Variants in SDHAF4 observed in about 807,000 individuals in gnomAD.
SDHAF4 encodes the protein succinate dehydrogenase assembly factor 4, mitochondrial.
SDHAF4 carries 14 observed loss-of-function variants against 14.3 expected under a neutral mutation model. That is an observed-to-expected ratio of 0.98 (90% CI 0.65 to 1.53). The LOEUF is 1.53. SDHAF4 is among the 40% of genes most tolerant of loss of function. The pLI, the probability that SDHAF4 is intolerant of heterozygous loss-of-function variation, is 0.00. For synonymous variants in SDHAF4, 63 were observed against 47.3 expected, an observed-to-expected ratio of 1.33 and a Z score of -1.36; for missense variants, 141 against 129.3, an observed-to-expected ratio of 1.09 and a Z score of -0.44.
intron 1 of SDHAF4, among the ~76,000 whole-genome samples, chr6:70,571,479 T>C (rs1802177423): frequency 6.6e-6 from 1 of 152,182 alleles, no homozygotes; most frequent in South Asian, 2.1e-4. Flanking sequence ...CACTCCCAGC[T>C]AATTTTTGTA....
At chr6:70,575,554 A>C (rs1028566467) in intron 1 of SDHAF4, among the ~76,000 whole-genome samples, 1 of 149,414 alleles carries the variant, frequency 6.7e-6, no homozygotes, top group Non-Finnish European at 1.5e-5. Context: ...TCTTCAGTTT[A>C]TCATTATTTA....
At chr6:70,585,323 C>T in intron 2 of SDHAF4, among the ~76,000 whole-genome samples, 1 of 152,154 alleles carries the variant, frequency 6.6e-6, no homozygotes. Context: ...TTATTATAAG[C>T]AGACAATACT....
At chr6:70,572,058 C>CTTTTTTTTTTTTTTTTTTTTTTTT (rs66688860) in intron 1 of SDHAF4, among the ~76,000 whole-genome samples, 1 of 53,506 alleles carries the variant, frequency 1.9e-5, no homozygotes, top group Non-Finnish European at 3.2e-5. Context: ...CTTTTTTTGT[C>CTTTTTTTTTTTTTTTTTTTTTTTT]TTTTTTTTTT....
intron 1 of SDHAF4, among the ~76,000 whole-genome samples, chr6:70,573,682 T>A (rs569396003): frequency 4.0e-5 from 6 of 151,368 alleles, no homozygotes; most frequent in Admixed American, 6.6e-5. Context: ...TTTTTATTTT[T>A]TTTTTATTTT....
chr6:70,571,313 A>G (rs1802174866), intron 1 of SDHAF4, among the ~76,000 whole-genome samples: 1 of 152,092 alleles, frequency 6.6e-6, no homozygotes, highest in Non-Finnish European at 1.5e-5. Flanking sequence ...TAGTGATTAT[A>G]TTTTTAAATA....
At chr6:70,587,305 C>T (rs1167042437) in intron 2 of SDHAF4, among the ~76,000 whole-genome samples, 1 of 152,026 alleles carries the variant, frequency 6.6e-6, no homozygotes, top group Admixed American at 6.5e-5. Context: ...GCCTGGCCAA[C>T]ATAGTGAAAC....
intron 1 of SDHAF4, among the ~76,000 whole-genome samples, chr6:70,569,782 G>A (rs1174531395): frequency 6.6e-6 from 1 of 152,036 alleles, no homozygotes; most frequent in Non-Finnish European, 1.5e-5. Flanking sequence ...TGTTTATTGT[G>A]ACTGCCTTGT....
intron 2 of SDHAF4, among the ~76,000 whole-genome samples, chr6:70,588,054 A>G (rs565322365): frequency 6.6e-6 from 1 of 152,250 alleles, no homozygotes; most frequent in Non-Finnish European, 1.5e-5. Context: ...CTGTGGCATT[A>G]AGTCAAAGTG....
intron 1 of SDHAF4, among the ~76,000 whole-genome samples, chr6:70,568,171 A>T (rs2128533037): frequency 6.6e-6 from 1 of 152,358 alleles, no homozygotes; most frequent in African/African-American, 2.4e-5. Context: ...TAATACAGAA[A>T]GTGAAAGTCC....
intron 1 of SDHAF4, among the ~76,000 whole-genome samples, chr6:70,571,015 A>AG (rs571396310): frequency 5.4e-4 from 82 of 151,708 alleles, no homozygotes; most frequent in African/African-American, 2.0e-3. Flanking sequence ...TGGAACATGA[A>AG]AAAAAAAATA....
chr6:70,572,500 A>G (rs1802196680), intron 1 of SDHAF4, among the ~76,000 whole-genome samples: 2 of 152,216 alleles, frequency 1.3e-5, no homozygotes, highest in African/African-American at 4.8e-5. Flanking sequence ...ATTTCACAAT[A>G]TATACATATT....
chr6:70,596,991 A>C, the SDHAF4 span: 2 of 152,238 alleles, frequency 1.3e-5, no homozygotes, highest in Non-Finnish European at 2.9e-5. Flanking sequence ...GATATTAATG[A>C]GTGCTGATTG....
intron 2 of SDHAF4, among the ~76,000 whole-genome samples, chr6:70,588,384 G>T (rs1164523310): frequency 6.6e-6 from 1 of 152,268 alleles, no homozygotes; most frequent in South Asian, 2.1e-4. Flanking sequence ...GTTGGGCGTG[G>T]TGGCATGTGC....
At chr6:70,587,850 T>G (rs989846032) in intron 2 of SDHAF4, among the ~76,000 whole-genome samples, 2 of 152,198 alleles carry the variant, frequency 1.3e-5, no homozygotes, top group Non-Finnish European at 2.9e-5. Flanking sequence ...CTATTATGAT[T>G]ATAAATGGCA....
chr6:70,581,754 C>T (rs1765127733), intron 2 of SDHAF4, among the ~76,000 whole-genome samples: 1 of 152,140 alleles, frequency 6.6e-6, no homozygotes, highest in Admixed American at 6.5e-5. Flanking sequence ...ACCACAGGCA[C>T]ATACCACCAT....
At chr6:70,591,931 A>G (rs1765262015), downstream of SDHAF4, among the ~76,000 whole-genome samples, 1 of 152,232 alleles carries the variant, frequency 6.6e-6, no homozygotes, top group African/African-American at 2.4e-5. Flanking sequence ...GGGTTAATGG[A>G]CAAATGGGTT....
At chr6:70,575,072 A>G (rs1802235790) in intron 1 of SDHAF4, among the ~76,000 whole-genome samples, 1 of 152,192 alleles carries the variant, frequency 6.6e-6, no homozygotes, top group Admixed American at 6.5e-5. Flanking sequence ...GTATCCTACG[A>G]TCTAGGCAAG....
rs1046614264 is a variant in SDHAF4 at position 70,567,012 on chromosome 6, C to T, written c.64+8C>T. 3.2e-6 allele frequency: 5 copies of T among 1,581,462 alleles called. No homozygotes were observed. Among genetic ancestry groups the T allele is most frequent in the Admixed American group, 1.8e-5 (1 of 55,194 alleles). On this transcript the variant is annotated splice_region_variant and intron_variant, in intron 1 of 2. Coordinates refer to ENST00000370474, the MANE Select transcript of SDHAF4 (RefSeq NM_145267.3). ...CGGCGTGGAGAGCGGCAAGTAAGCACCTGGCCTCGGGGCCACGGTCGCGGG... is the reference window on the plus strand; with the variant it reads ...CGGCGTGGAGAGCGGCAAGTAAGCATCTGGCCTCGGGGCCACGGTCGCGGG...
At chr6:70,576,738 T>C (rs1445013631) in intron 1 of SDHAF4, among the ~76,000 whole-genome samples, 1 of 152,190 alleles carries the variant, frequency 6.6e-6, no homozygotes, top group Non-Finnish European at 1.5e-5. Context: ...ATAAATACTG[T>C]TTATCACTAT....
Sources: gnomAD v4.1 joint callset for allele counts (sites outside exome capture counted in the v4.1 genomes callset) on GRCh38, gnomAD v4.1.1 for gene constraint, MANE v1.5 for transcripts, NCBI Gene and HGNC (gene_info 2026-07-23, HGNC 2026-07-21) for gene names.